The following CDC14B variants were observed in gnomAD, a reference collection of about 807,000 sequenced individuals.
The protein encoded by CDC14B is cell division cycle 14B, also known as dual specificity protein phosphatase CDC14B.
Under a neutral mutation model 64.2 loss-of-function variants are expected in CDC14B, and 22 were observed. The ratio of observed to expected loss-of-function variants is 0.34; its 90% CI spans 0.24 to 0.49. The LOEUF is 0.49. Among genes scored for constraint, CDC14B ranks in the 20% least tolerant of loss-of-function variants. The probability of loss-of-function intolerance (pLI) is 0.99; values close to 1 mark genes in which losing one functional copy is unlikely to be tolerated. For synonymous variants in CDC14B, 191 were observed against 215.8 expected, an observed-to-expected ratio of 0.89 and a Z score of 1.01; for missense variants, 498 against 629.9, an observed-to-expected ratio of 0.79 and a Z score of 2.24.
intron 6 of CDC14B, among the ~76,000 whole-genome samples, chr9:96,540,869 A>G (rs560232905): frequency 4.6e-5 from 7 of 152,188 alleles, no homozygotes; most frequent in Admixed American, 1.3e-4. Context: ...AACTACCCCA[A>G]TCAGCTCCAT....
chr9:96,615,240 T>C (rs1238943395), intron 1 of CDC14B, among the ~76,000 whole-genome samples: 1 of 152,042 alleles, frequency 6.6e-6, no homozygotes, highest in East Asian at 1.9e-4. Flanking sequence ...TGGCAAGAGG[T>C]GAATGAATGG....
At chr9:96,551,764 A>G (rs776627881) in intron 5 of CDC14B, 32 bp downstream of exon 5, 14 of 1,597,406 alleles carry the variant, frequency 8.8e-6, no homozygotes, top group Non-Finnish European at 1.2e-5. Context: ...GGATCTGATT[A>G]CCTGAATCTA....
At chr9:96,552,435 C>T (rs1841952609) in intron 4 of CDC14B, among the ~76,000 whole-genome samples, 1 of 152,216 alleles carries the variant, frequency 6.6e-6, no homozygotes, top group South Asian at 2.1e-4. Context: ...TGGGAGAATA[C>T]CTCAAGTATA....
chr9:96,504,011 C>CA (rs1406486674), intron 13 of CDC14B, among the ~76,000 whole-genome samples: 1 of 151,820 alleles, frequency 6.6e-6, no homozygotes, highest in Non-Finnish European at 1.5e-5. Flanking sequence ...CTCAGTTCTG[C>CA]AAAAAATAGA....
intron 5 of CDC14B, 130 bp downstream of exon 5, chr9:96,551,666 G>C (rs1431124598): frequency 7.7e-7 from 1 of 1,295,598 alleles, no homozygotes; most frequent in Non-Finnish European, 1.1e-6. Context: ...GAAAAACCCA[G>C]ATCTGTGGTG....
intron 12 of CDC14B, among the ~76,000 whole-genome samples, chr9:96,517,921 C>G (rs929561383): frequency 7.9e-5 from 12 of 151,922 alleles, no homozygotes; most frequent in Middle Eastern, 3.4e-3. Context: ...ATCCTGCTGC[C>G]TTGAACTCCC....
chr9:96,519,793 C>T (rs1385451867), intron 12 of CDC14B, among the ~76,000 whole-genome samples: 1 of 150,804 alleles, frequency 6.6e-6, no homozygotes, highest in Non-Finnish European at 1.5e-5. Context: ...TGTACTATAA[C>T]CTTCTCCTAA....
intron 1 of CDC14B, among the ~76,000 whole-genome samples, chr9:96,580,667 T>C (rs1054875385): frequency 1.2e-4 from 18 of 152,292 alleles, no homozygotes; most frequent in African/African-American, 4.1e-4. Flanking sequence ...AGAGAAATAC[T>C]GGCATAGGAG....
intron 6 of CDC14B, among the ~76,000 whole-genome samples, chr9:96,540,877 C>T (rs1839956041): frequency 6.6e-6 from 1 of 152,282 alleles, no homozygotes; most frequent in South Asian, 2.1e-4. Flanking sequence ...CAATCAGCTC[C>T]ATATCCCACA....
chr9:96,590,100 G>T (rs139161926), intron 1 of CDC14B, among the ~76,000 whole-genome samples: 175 of 152,170 alleles, frequency 1.2e-3, no homozygotes, highest in African/African-American at 4.0e-3. Flanking sequence ...GTTTTTCACC[G>T]TGCTAAACTG....
At chr9:96,527,309 G>A (rs952618355) in intron 9 of CDC14B, among the ~76,000 whole-genome samples, 17 of 152,170 alleles carry the variant, frequency 1.1e-4, no homozygotes, top group Admixed American at 1.1e-3. Context: ...TGAGGCAGGA[G>A]AATGGCGTGA....
At chr9:96,617,514 T>C (rs1415729799) in intron 1 of CDC14B, among the ~76,000 whole-genome samples, 1 of 152,072 alleles carries the variant, frequency 6.6e-6, no homozygotes, top group East Asian at 1.9e-4. Flanking sequence ...GTAATTAAAA[T>C]CAAGTAAGCC....
intron 13 of CDC14B, among the ~76,000 whole-genome samples, chr9:96,509,164 G>A (rs1834577123): frequency 6.6e-6 from 1 of 152,170 alleles, no homozygotes; most frequent in African/African-American, 2.4e-5. Context: ...GAACACATTG[G>A]TTTCCTTGTG....
rs888100229 is a variant in CDC14B, at chr9:96,537,579, T to C, written c.627+1499A>G. ...CAAACTGGCAGGTCAAAGTTGCTGG[T>C]GGCCATCTTTATCACTACTGGAGAA... On this transcript the variant is annotated intron_variant, in intron 7 of 13. Transcript: ENST00000375241. Among the ~76,000 whole-genome samples the C allele has an allele frequency of 3.9e-5, 6 of 152,350 alleles. 1 individual carries two copies. The East Asian group carries it at 9.7e-4, about 25-fold the overall frequency.
chr9:96,587,783 T>C (rs1433635390), intron 1 of CDC14B, among the ~76,000 whole-genome samples: 1 of 152,184 alleles, frequency 6.6e-6, no homozygotes, highest in African/African-American at 2.4e-5. Context: ...TGAACATATG[T>C]AGCCAATGTA....
In CDC14B at chr9:96,503,597, T is replaced by G; in HGVS notation, c.*156A>C. ...TTGCACCCAAACTCAAAGTTCATTA[T>G]TCAAACTCCAGTGGACATTTTCTCC... On this transcript the variant is annotated 3_prime_UTR_variant, in exon 14 of 14. Transcript: ENST00000375241. The G allele has an allele frequency of 1.5e-6, 1 of 645,444 alleles. No homozygotes were observed. 40.0% of individuals were successfully genotyped at this position (645,444 alleles called of 1,614,324 possible). A position where few individuals can be genotyped will look rare whatever the true frequency, so the allele number is the denominator to read the frequency against.
Position 96,503,803 on chromosome 9 carries a change from A to C in CDC14B, c.1461-14T>G, listed in dbSNP as rs1401942554. ...GAAATGGAGAGACTACAGGGGGAAA[A>C]AAAAGGATTTTTACCAGAAAGTTTA... On this transcript the variant is annotated splice_polypyrimidine_tract_variant and intron_variant, in intron 13 of 13. Coordinates refer to ENST00000375241, the MANE Select transcript of CDC14B (RefSeq NM_033331.4). 6.2e-7 allele frequency: 1 copy of C among 1,610,682 alleles called. No individual in the cohort carries two copies. The highest frequency in any genetic ancestry group is 1.3e-5 in the African/African-American group (1 of 74,668).
intron 4 of CDC14B, among the ~76,000 whole-genome samples, chr9:96,557,102 C>T (rs1842597573): frequency 1.3e-5 from 2 of 152,216 alleles, no homozygotes; most frequent in Admixed American, 1.3e-4. Flanking sequence ...ACCCAGCAAG[C>T]ACCACGGGCA....
chr9:96,554,066 A>C (rs917229830), intron 4 of CDC14B, among the ~76,000 whole-genome samples: 2 of 152,156 alleles, frequency 1.3e-5, no homozygotes, highest in African/African-American at 4.8e-5. Context: ...CAGGAGGCTA[A>C]GGCAGGAGAA....
Sources: allele counts gnomAD v4.1 joint callset (sites outside exome capture counted in the v4.1 genomes callset), GRCh38; gene constraint gnomAD v4.1.1; transcripts MANE v1.5; gene names NCBI Gene and HGNC (gene_info 2026-07-23, HGNC 2026-07-21).